The following FREM2 variants were observed in gnomAD, a reference collection of about 807,000 sequenced individuals.
The protein encoded by FREM2 is FRAS1 related extracellular matrix 2.
A neutral mutation model predicts 219.9 loss-of-function variants in FREM2; 119 were observed. The observed-to-expected ratio is 0.54, with a 90% CI of 0.47 to 0.63. The LOEUF (loss-of-function observed/expected upper bound fraction) is 0.63, where lower values mean the gene tolerates loss of function less well. Among genes scored for constraint, FREM2 ranks in the 30% least tolerant of loss-of-function variants. FREM2 has a pLI of 0.00. For missense variants in FREM2, 4,030 were observed against 3,993.6 expected (o/e 1.01, Z -0.25); for synonymous variants, 1,562 against 1,522.8 (o/e 1.03, Z -0.60).
intron 6 of FREM2, among the ~76,000 whole-genome samples, chr13:38,826,508 T>G (rs1168320095): frequency 6.6e-6 from 1 of 152,044 alleles, no homozygotes; most frequent in Non-Finnish European, 1.5e-5. Context: ...TCCTTCCAAC[T>G]TGAAATGGAG....
chr13:38,762,598 C>G (rs1873272938), intron 2 of FREM2, among the ~76,000 whole-genome samples: 2 of 152,038 alleles, frequency 1.3e-5, no homozygotes, highest in African/African-American at 2.4e-5. Context: ...CGCCACCATG[C>G]CTGGCTAGTT....
At chr13:38,809,058 T>A (rs960313312) in intron 6 of FREM2, among the ~76,000 whole-genome samples, 1 of 151,902 alleles carries the variant, frequency 6.6e-6, no homozygotes, top group Non-Finnish European at 1.5e-5. Flanking sequence ...CCTGTTAAGT[T>A]CCATAGGCTT....
At chr13:38,769,516 G>A in intron 3 of FREM2, 62 bp from the exon 4 acceptor site, 5 of 1,432,800 alleles carry the variant, frequency 3.5e-6, no homozygotes, top group Non-Finnish European at 4.9e-6. Flanking sequence ...AAGTTAACAA[G>A]GAAAATCTTA....
intron 7 of FREM2, among the ~76,000 whole-genome samples, 166 bp from the exon 8 acceptor site, chr13:38,848,295 T>C (rs1877236819): frequency 6.6e-6 from 1 of 152,216 alleles, no homozygotes; most frequent in Non-Finnish European, 1.5e-5. Flanking sequence ...ACAGTAGTTA[T>C]CCAGATACTA....
At position 38,719,501 on chromosome 13, in the gene FREM2, G is replaced by A. The variant is rs1044677525; in HGVS notation, c.5263+21714G>A. Reference sequence around the variant, plus strand: ...CTCCCAAAGTGCTGGGATTTCAGGCGTGAGCCACTGCACCTGGCCAGCAGC... The same window carrying A: ...CTCCCAAAGTGCTGGGATTTCAGGCATGAGCCACTGCACCTGGCCAGCAGC... On this transcript the variant is annotated intron_variant, in intron 2 of 23. Coordinates refer to ENST00000280481, the MANE Select transcript of FREM2 (RefSeq NM_207361.6). 6.6e-5 allele frequency among the ~76,000 whole-genome samples: 10 copies of A among 152,158 alleles called. No individual in the cohort carries two copies. The South Asian group carries it at 1.2e-3, about 19-fold the overall frequency.
intron 5 of FREM2, among the ~76,000 whole-genome samples, chr13:38,784,176 T>C (rs1286366357): frequency 6.6e-6 from 1 of 152,230 alleles, no homozygotes; most frequent in Admixed American, 6.5e-5. Flanking sequence ...AAACCTCAGT[T>C]ACCAAATGTG....
rs200817424 is a variant in FREM2, at chr13:38,691,911, C to T, written c.4567C>T (p.Arg1523Cys). 3.3e-4 allele frequency: 536 copies of T among 1,614,154 alleles called. No homozygotes were observed. Among genetic ancestry groups the T allele is most frequent in the Admixed American group, 4.7e-4 (28 of 60,028 alleles). Residue 1523 changes from arginine (R) to cysteine (C), a missense_variant, in exon 1 of 24, where the codon CGT becomes TGT. Coordinates refer to ENST00000280481, the MANE Select transcript of FREM2 (RefSeq NM_207361.6). ...DGRNPVFRTF[R>C]ISISDVDNKK... is the part of the protein sequence containing the mutation. ...ACGTAACCCTGTCTTTCGGACATTC[C>T]GTATCTCCATTAGCGATGTGGACAA... is the stretch of plus-strand genomic sequence containing the variant.
chr13:38,879,023 C>G, intron 23 of FREM2, 46 bp downstream of exon 23: 1 of 1,574,378 alleles, frequency 6.4e-7, no homozygotes, highest in Non-Finnish European at 8.7e-7. Flanking sequence ...TACCCACATG[C>G]AAGTTATGGA....
intron 4 of FREM2, among the ~76,000 whole-genome samples, chr13:38,779,846 A>G (rs531123336): frequency 6.6e-6 from 1 of 152,306 alleles, no homozygotes; most frequent in East Asian, 1.9e-4. Flanking sequence ...AGCTTTTGAA[A>G]CAACTGATCA....
At chr13:38,879,771 A>G (rs1007236653) in intron 23 of FREM2, among the ~76,000 whole-genome samples, 1 of 152,184 alleles carries the variant, frequency 6.6e-6, no homozygotes, top group Non-Finnish European at 1.5e-5. Flanking sequence ...TAAATCTTGC[A>G]TGCTTCAAAG....
intron 6 of FREM2, among the ~76,000 whole-genome samples, chr13:38,806,294 G>A (rs1030832798): frequency 4.6e-5 from 7 of 151,896 alleles, no homozygotes; most frequent in Admixed American, 1.3e-4. Flanking sequence ...GTTTTATAAG[G>A]GAGGAAGTGC....
At chr13:38,758,778 C>T (rs1873116404) in intron 2 of FREM2, among the ~76,000 whole-genome samples, 2 of 152,182 alleles carry the variant, frequency 1.3e-5, no homozygotes, top group African/African-American at 4.8e-5. Flanking sequence ...AGATCTTCAC[C>T]ATAATCACTA....
At chr13:38,857,813 G>T in intron 12 of FREM2, 62 bp from the exon 13 acceptor site, 1 of 1,379,104 alleles carries the variant, frequency 7.3e-7, no homozygotes, top group Non-Finnish European at 1.0e-6. Context: ...ATTGTTCTGT[G>T]TGGTAGAAGC....
chr13:38,781,799 C>T (rs137857705), intron 4 of FREM2, among the ~76,000 whole-genome samples: 3 of 152,222 alleles, frequency 2.0e-5, no homozygotes, highest in Non-Finnish European at 2.9e-5. Flanking sequence ...TAAAATGCTT[C>T]GAGGCTAATG....
chr13:38,834,866 A>G (rs1389325851), intron 6 of FREM2, among the ~76,000 whole-genome samples: 1 of 152,206 alleles, frequency 6.6e-6, no homozygotes, highest in African/African-American at 2.4e-5. Context: ...TCAGATGAAT[A>G]GATTGCAAAG....
At chr13:38,711,364 A>T (rs1364307368) in intron 2 of FREM2, among the ~76,000 whole-genome samples, 1 of 152,194 alleles carries the variant, frequency 6.6e-6, no homozygotes, top group Non-Finnish European at 1.5e-5. Context: ...CTAGCAAAGC[A>T]TTTTATACTA....
intron 2 of FREM2, among the ~76,000 whole-genome samples, chr13:38,743,367 A>G (rs780648165): frequency 2.0e-5 from 3 of 151,702 alleles, no homozygotes; most frequent in Non-Finnish European, 4.4e-5. Context: ...GATTTCTTAT[A>G]TTTGCCTCAC....
chr13:38,853,211 C>T (rs558297383), intron 11 of FREM2, among the ~76,000 whole-genome samples: 1 of 151,472 alleles, frequency 6.6e-6, no homozygotes, highest in Non-Finnish European at 1.5e-5. Context: ...GCCTGTAATC[C>T]CAGCTACTTG....
At chr13:38,693,083 T>C (rs1869963172) in intron 1 of FREM2, among the ~76,000 whole-genome samples, 1 of 152,208 alleles carries the variant, frequency 6.6e-6, no homozygotes, top group African/African-American at 2.4e-5. Flanking sequence ...TTTAAAATTG[T>C]TAATAATATT....
Sources: allele counts gnomAD v4.1 joint callset (sites outside exome capture counted in the v4.1 genomes callset), GRCh38; gene constraint gnomAD v4.1.1; transcripts MANE v1.5; gene names NCBI Gene and HGNC (gene_info 2026-07-23, HGNC 2026-07-21).